The following DCC variants were observed in gnomAD, a reference collection of about 807,000 sequenced individuals.
DCC encodes the protein netrin receptor DCC.
A neutral mutation model predicts 172.5 loss-of-function variants in DCC; 58 were observed. The observed-to-expected ratio is 0.34, with a 90% CI of 0.27 to 0.42. The LOEUF (loss-of-function observed/expected upper bound fraction) is 0.42. Among genes scored for constraint, DCC ranks in the 10% least tolerant of loss-of-function variants. The pLI, the probability that DCC is intolerant of heterozygous loss-of-function variation, is 1.00. For synonymous variants in DCC, 709 were observed against 644.5 expected (o/e 1.10, Z -1.52); for missense variants, 1,740 against 1,791.0 (o/e 0.97, Z 0.51).
At position 52,639,353 on chromosome 18, in the gene DCC, A is replaced by C. The variant is rs570566019; in HGVS notation, c.92-112701A>C. Among the ~76,000 whole-genome samples the C allele has an allele frequency of 1.4e-4, 22 of 152,246 alleles. No homozygotes were observed. The South Asian group carries it at 4.6e-3, about 32-fold the overall frequency. On this transcript the variant is annotated intron_variant, in intron 1 of 28. Coordinates refer to ENST00000442544, the MANE Select transcript of DCC (RefSeq NM_005215.4). ...AAATTGAAACAAACAAACAAACAAAAAATAAATGAAACAAAAAGCTGGTTC... is the reference window on the plus strand; with the variant it reads ...AAATTGAAACAAACAAACAAACAAACAATAAATGAAACAAAAAGCTGGTTC...
intron 1 of DCC, among the ~76,000 whole-genome samples, chr18:52,739,637 G>A (rs1372883672): frequency 1.3e-5 from 2 of 152,088 alleles, no homozygotes; most frequent in East Asian, 1.9e-4. Context: ...TGTAAAAGAG[G>A]AACCTGATGA....
rs183194827 is a variant in DCC at position 53,236,431 on chromosome 18, C to A, written c.1911+20834C>A. On this transcript the variant is annotated intron_variant, in intron 12 of 28. Transcript: ENST00000442544. ...TCTAAATTATCAATGTGTAGAAATT[C>A]TTTACACATTTTAGGAAAACATTTT... Among the ~76,000 whole-genome samples the A allele has an allele frequency of 4.4e-3, 670 of 152,122 alleles. 7 individuals carry two copies. Among genetic ancestry groups the A allele is most frequent in the African/African-American group, 0.016 (649 of 41,538 alleles).
chr18:52,645,900 C>A (rs760417392), intron 1 of DCC, among the ~76,000 whole-genome samples: 14 of 152,184 alleles, frequency 9.2e-5, no homozygotes, highest in Non-Finnish European at 1.8e-4. Context: ...TCAGCTTTCA[C>A]AGGGGTGTTA....
In DCC at chr18:53,338,567, C is replaced by T. The variant is rs544839813; in HGVS notation, c.2165-1146C>T. Among the ~76,000 whole-genome samples the T allele has an allele frequency of 2.0e-4, 30 of 152,306 alleles. No individual in the cohort carries two copies. In the East Asian group the frequency reaches 5.4e-3, roughly 27 times the overall value. ...AGTGAGCCGAGATCGTGCCACTGCA[C>T]TCTAGCCTGGGCGACAGAGTGAGAC... On this transcript the variant is annotated intron_variant, in intron 14 of 28. Transcript: ENST00000442544.
intron 2 of DCC, among the ~76,000 whole-genome samples, chr18:52,796,438 T>C (rs767972769): frequency 4.9e-4 from 75 of 152,274 alleles, no homozygotes; most frequent in Non-Finnish European, 7.4e-4. Flanking sequence ...ATTTCCATGA[T>C]GGTAGATATT....
At chr18:53,155,798 AG>A (rs1472996870) in intron 7 of DCC, among the ~76,000 whole-genome samples, 9 of 152,368 alleles carry the variant, frequency 5.9e-5, no homozygotes, top group Admixed American at 4.6e-4. Context: ...AGGCCAAGAC[AG>A]GTGGATCATC....
chr18:53,460,935 A>G (rs2045551233), intron 24 of DCC, among the ~76,000 whole-genome samples: 1 of 152,146 alleles, frequency 6.6e-6, no homozygotes, highest in South Asian at 2.1e-4. Flanking sequence ...CATCCTCTCC[A>G]GGACCTGTTG....
chr18:52,467,821 T>C (rs1159812496), intron 1 of DCC, among the ~76,000 whole-genome samples: 2 of 152,224 alleles, frequency 1.3e-5, no homozygotes, highest in African/African-American at 4.8e-5. Flanking sequence ...TTTTTTCATA[T>C]GTTTGTTGGC....
intron 17 of DCC, among the ~76,000 whole-genome samples, chr18:53,393,025 A>AT (rs575743479): frequency 3.3e-5 from 5 of 152,244 alleles, no homozygotes; most frequent in African/African-American, 1.2e-4. Flanking sequence ...TAACCGCTTG[A>AT]TTGGGGTAGC....
chr18:53,220,318 G>A (rs992891466), intron 12 of DCC, among the ~76,000 whole-genome samples: 1 of 152,098 alleles, frequency 6.6e-6, no homozygotes, highest in Non-Finnish European at 1.5e-5. Flanking sequence ...CATACTTTTA[G>A]AAAAGGGGTC....
chr18:53,315,540 T>A (rs913544112), intron 13 of DCC, among the ~76,000 whole-genome samples: 1 of 152,196 alleles, frequency 6.6e-6, no homozygotes, highest in Non-Finnish European at 1.5e-5. Context: ...ATCGCCACAC[T>A]GTCTTCCACA....
At chr18:53,198,565 G>A (rs2144530929) in intron 9 of DCC, among the ~76,000 whole-genome samples, 2 of 151,858 alleles carry the variant, frequency 1.3e-5, no homozygotes, top group Middle Eastern at 6.8e-3. Context: ...GCCGTTTATT[G>A]GGTTTAATAT....
At chr18:53,461,449 G>A (rs1016925212) in intron 24 of DCC, among the ~76,000 whole-genome samples, 3 of 151,982 alleles carry the variant, frequency 2.0e-5, no homozygotes, top group Admixed American at 2.0e-4. Flanking sequence ...ACCTTGAATT[G>A]ATTTTTGTAT....
intron 1 of DCC, among the ~76,000 whole-genome samples, chr18:52,742,882 A>T (rs16955448): frequency 0.17 from 26,575 of 152,156 alleles, 3,119 homozygotes; most frequent in African/African-American, 0.33. Flanking sequence ...ATATGATCAC[A>T]ACCATGTGGA....
intron 15 of DCC, among the ~76,000 whole-genome samples, chr18:53,356,522 G>T (rs1255044455): frequency 2.0e-5 from 3 of 152,090 alleles, no homozygotes; most frequent in African/African-American, 7.2e-5. Flanking sequence ...CTAGAGTACT[G>T]GGGATAGTTT....
At chr18:52,452,941 C>G (rs1230612533) in intron 1 of DCC, among the ~76,000 whole-genome samples, 1 of 152,158 alleles carries the variant, frequency 6.6e-6, no homozygotes, top group Non-Finnish European at 1.5e-5. Flanking sequence ...AATGACAAGA[C>G]TAGATATAAA....
intron 14 of DCC, among the ~76,000 whole-genome samples, chr18:53,334,846 CTT>C (rs2057573814): frequency 6.6e-6 from 1 of 152,130 alleles, no homozygotes; most frequent in Admixed American, 6.5e-5. Context: ...TTGGTGGAAA[CTT>C]TGATTTCTTC....
At position 52,682,520 on chromosome 18, in the gene DCC, C is replaced by T. The variant is rs562718416; in HGVS notation, c.92-69534C>T. Among the ~76,000 whole-genome samples, 5 of 152,106 alleles carry T rather than the reference C, an allele frequency of 3.3e-5. No individual in the cohort carries two copies. In the East Asian group the frequency reaches 9.7e-4, roughly 30 times the overall value. ...GCCACCAAATGCTTGTGAGATGAGGCTGGAGAGGCGGGCAGGAACTAGATC... is the reference window on the plus strand; with the variant it reads ...GCCACCAAATGCTTGTGAGATGAGGTTGGAGAGGCGGGCAGGAACTAGATC... On this transcript the variant is annotated intron_variant, in intron 1 of 28. Coordinates refer to ENST00000442544, the MANE Select transcript of DCC (RefSeq NM_005215.4).
At chr18:53,255,058 C>T (rs959388756) in intron 12 of DCC, among the ~76,000 whole-genome samples, 1 of 151,864 alleles carries the variant, frequency 6.6e-6, no homozygotes. Flanking sequence ...CTATTATGTC[C>T]ACGTCTGAAA....
Sources: gnomAD v4.1 joint callset for allele counts (sites outside exome capture counted in the v4.1 genomes callset) on GRCh38, gnomAD v4.1.1 for gene constraint, MANE v1.5 for transcripts, NCBI Gene and HGNC (gene_info 2026-07-23, HGNC 2026-07-21) for gene names.